The following CHRD variants were observed in gnomAD, a reference collection of about 807,000 sequenced individuals.
The protein encoded by CHRD is chordin.
CHRD carries 69 observed loss-of-function variants against 113.7 expected under a neutral mutation model. The observed-to-expected ratio is 0.61, with a 90% CI of 0.50 to 0.74. The LOEUF is 0.74. Ranked by LOEUF, CHRD falls within the 30% of genes least tolerant of loss-of-function variation. The pLI is 0.00. For missense variants in CHRD, 1,194 were observed against 1,295.8 expected, an observed-to-expected ratio of 0.92 and a Z score of 1.21; for synonymous variants, 561 against 540.8, an observed-to-expected ratio of 1.04 and a Z score of -0.52.
In CHRD at chr3:184,388,263, CCA is replaced by C. The variant is rs1412378926; in HGVS notation, c.2554+231_2554+232del. Among the ~76,000 whole-genome samples, 423 of 151,706 alleles carry C rather than the reference CCA, an allele frequency of 2.8e-3. 2 individuals carry two copies. Among genetic ancestry groups the C allele is most frequent in the African/African-American group, 9.3e-3 (383 of 41,172 alleles). On this transcript the variant is annotated intron_variant, in intron 20 of 22. Coordinates refer to ENST00000204604, the Ensembl canonical transcript of CHRD. This position sits in a 1 kb window ranked among gnomAD's most constrained non-coding sequence, Gnocchi z 6.1. ...TCCATCCATCCATCCATCCATCCAT[CCA>C]TCCATCCATCCATCCATCCGTCCAT...
In CHRD at chr3:184,389,521, G is replaced by A. The variant is rs1483136988; in HGVS notation, c.*99G>A. On this transcript the variant is annotated 3_prime_UTR_variant, in exon 23 of 23. Transcript: ENST00000204604. Reference sequence around the variant, plus strand: ...TGCATTCTCCTGTGGGAAGCCCAGTGCCTTTGCTCCTCTGTCCTGCCTCTA... The same window carrying A: ...TGCATTCTCCTGTGGGAAGCCCAGTACCTTTGCTCCTCTGTCCTGCCTCTA... 43 of 1,095,062 alleles carry A rather than the reference G, an allele frequency of 3.9e-5. No homozygotes were observed. The East Asian group carries it at 4.6e-4, about 12-fold the overall frequency. The allele number at this position is 1,095,062 out of a possible 1,614,324, so 67.8% of individuals were successfully genotyped here. A position where few individuals can be genotyped will look rare whatever the true frequency, so the allele number is the denominator to read the frequency against.
At position 184,388,463 on chromosome 3, in the gene CHRD, C is replaced by A; in HGVS notation, c.2555-124C>A. The A allele has an allele frequency of 2.8e-6, 3 of 1,072,200 alleles. No individual in the cohort carries two copies. Among genetic ancestry groups the A allele is most frequent in the South Asian group, 1.5e-5 (1 of 65,528 alleles). The allele number at this position is 1,072,200 out of a possible 1,614,324, so 66.4% of individuals were successfully genotyped here. A position where few individuals can be genotyped will look rare whatever the true frequency, so the allele number is the denominator to read the frequency against. On this transcript the variant is annotated intron_variant, in intron 20 of 22. Coordinates refer to ENST00000204604, the Ensembl canonical transcript of CHRD. This position sits in a 1 kb window ranked among gnomAD's most constrained non-coding sequence, Gnocchi z 6.1. ...TTCATCCATCCATTCATCTGCCCACCCACCCATCCAAATTTATCACCTACT... is the reference window on the plus strand; with the variant it reads ...TTCATCCATCCATTCATCTGCCCACACACCCATCCAAATTTATCACCTACT...
In CHRD at chr3:184,384,538, C is replaced by A; in HGVS notation, c.1442C>A (p.Ala481Asp). The A allele has an allele frequency of 6.5e-7, 1 of 1,531,356 alleles. No individual in the cohort carries two copies. Among genetic ancestry groups the A allele is most frequent in the South Asian group, 1.3e-5 (1 of 78,448 alleles). 94.9% of individuals were successfully genotyped at this position (1,531,356 alleles called of 1,614,324 possible). A position where few individuals can be genotyped will look rare whatever the true frequency, so the allele number is the denominator to read the frequency against. ...AGGCCTATCCTCCCCTGCCCCCAGG[C>A]CGTGGGTATCTGCCCTGGGCTGGGT... Residue 481 changes from alanine (A) to aspartate (D), a missense_variant and splice_region_variant, in exon 13 of 23, where the codon GCC (alanine) becomes GAC (aspartate). Coordinates refer to ENST00000204604, the Ensembl canonical transcript of CHRD. The surrounding 1 kb of genome is among the most constrained non-coding windows in gnomAD (Gnocchi z 4.4).
intron 14 of CHRD, among the ~76,000 whole-genome samples, chr3:184,385,666 CAAAAAAAAAAAAA>C (rs533681477): frequency 0.015 from 575 of 39,382 alleles, 8 homozygotes; most frequent in African/African-American, 0.054. Flanking sequence ...AAATCCGTCT[CAAAAAAAAAAAAA>C]AAAAAAAAAA....
In CHRD at chr3:184,383,643, G is replaced by A; in HGVS notation, c.1440+1G>A. The A allele has an allele frequency of 6.2e-7, 1 of 1,605,700 alleles. No individual in the cohort carries two copies. Among genetic ancestry groups the A allele is most frequent in the South Asian group, 1.1e-5 (1 of 89,984 alleles). On this transcript the variant is annotated splice_donor_variant, in intron 12 of 22. Transcript: ENST00000204604. LOFTEE classifies it high-confidence loss of function. ...TGGACTCCAGCCAGGAGGACACACG[G>A]TGAGGGCTCCAGGTGGAGCTGGACC...
In CHRD at chr3:184,388,237, G is replaced by GTCCATCCA. The variant is rs3064288; in HGVS notation, c.2554+244_2554+251dup. ...GTTCTGGTTCCTGCTCCATCCATCC[G>GTCCATCCA]TCCATCCATCCATCCATCCATCCAT... is the stretch of plus-strand genomic sequence containing the variant. On this transcript the variant is annotated intron_variant, in intron 20 of 22. Transcript: ENST00000204604. This position sits in a 1 kb window ranked among gnomAD's most constrained non-coding sequence, Gnocchi z 6.1. Among the ~76,000 whole-genome samples the GTCCATCCA allele has an allele frequency of 0.02, 2,745 of 138,038 alleles. 58 individuals carry two copies. The highest frequency in any genetic ancestry group is 0.053 in the African/African-American group (1,925 of 36,012). 90.6% of individuals were successfully genotyped at this position (138,038 alleles called of 152,430 possible).
In CHRD at chr3:184,386,053, G is replaced by A. The variant is rs1194813503; in HGVS notation, c.1826G>A (p.Gly609Asp). 2.5e-6 allele frequency: 4 copies of A among 1,614,082 alleles called. No individual in the cohort carries two copies. The African/African-American group carries it at 5.3e-5, about 22-fold the overall frequency. The change falls in exon 15 of 23, where the codon GGT (glycine) becomes GAT (aspartate). Residue 609 changes from glycine (G) to aspartate (D), a missense_variant. By Grantham distance (94) the Gly-to-Asp change is moderately conservative (BLOSUM62 -1). Transcript: ENST00000204604. Reference sequence around the variant, plus strand: ...TGTCCTGTCTATGTGCAGGCCCAGGGTGTGGTGAAGGACCTGGAGCCGGAA... The same window carrying A: ...TGTCCTGTCTATGTGCAGGCCCAGGATGTGGTGAAGGACCTGGAGCCGGAA...
At chr3:184,383,878 G>C (rs955509296) in intron 12 of CHRD, among the ~76,000 whole-genome samples, 1 of 148,582 alleles carries the variant, frequency 6.7e-6, no homozygotes, top group African/African-American at 2.5e-5. Flanking sequence ...CTGGGTTCAA[G>C]CGATTCTCCT....
chr3:184,386,375 C>A, intron 15 of CHRD, 117 bp from the exon 16 acceptor site: 1 of 1,412,500 alleles, frequency 7.1e-7, no homozygotes. Flanking sequence ...GAATGGCATC[C>A]TCCTGGGCCA....
intron 6 of CHRD, 34 bp from the exon 7 acceptor site, chr3:184,382,355 C>G: frequency 1.2e-6 from 2 of 1,613,970 alleles, no homozygotes; most frequent in Non-Finnish European, 1.7e-6. Context: ...TGCACAGTGT[C>G]TGAGCGTAGG....
chr3:184,383,167 A>AG lies in CHRD; in HGVS notation c.1213+6dup, dbSNP rs777454873. 3 of 1,520,764 alleles carry AG rather than the reference A, an allele frequency of 2.0e-6. No homozygotes were observed. Among genetic ancestry groups the AG allele is most frequent in the South Asian group, 1.2e-5 (1 of 84,792 alleles). The allele number at this position is 1,520,764 out of a possible 1,614,324, so 94.2% of individuals were successfully genotyped here. A position where few individuals can be genotyped will look rare whatever the true frequency, so the allele number is the denominator to read the frequency against. The stretch of plus-strand genomic sequence containing the variant: ...GCTGCCAGGAAGAGCTGCGACGGTG[A>AG]GGCGGGGGGGGGGCCTGGTGCGCCG... On this transcript the variant is annotated splice_donor_region_variant and intron_variant, in intron 10 of 22. Transcript: ENST00000204604.
At chr3:184,389,071 G>A (rs1716823031) in intron 22 of CHRD, 76 bp downstream of exon 22, 3 of 1,055,470 alleles carry the variant, frequency 2.8e-6, no homozygotes, top group Non-Finnish European at 4.3e-6. Flanking sequence ...TCAGGGAAGG[G>A]AGCACTCACT....
exon 12 of CHRD, chr3:184,383,523 G>A: frequency 6.2e-7 from 1 of 1,614,032 alleles, no homozygotes; most frequent in Admixed American, 1.7e-5. Context: ...TGCCCATCAG[G>A]TGCAAGTGGT....
rs1715999530 is a variant in CHRD at position 184,384,642 on chromosome 3, C to T, written c.1546C>T (p.Arg516Trp). 11 of 1,605,124 alleles carry T rather than the reference C, an allele frequency of 6.9e-6. No homozygotes were observed. Among genetic ancestry groups the T allele is most frequent in the Middle Eastern group, 1.7e-4 (1 of 5,988 alleles). Residue 516 changes from arginine to tryptophan, a missense_variant, in exon 13 of 23, where the codon CGG becomes TGG. Physicochemically the swap from Arg to Trp is moderately radical, Grantham distance 101. Transcript: ENST00000204604. The surrounding 1 kb of genome is among the most constrained non-coding windows in gnomAD (Gnocchi z 4.4). ...CAAGGACTTCCCAGACGGAGAGCTT[C>T]GGGGGCACGTGGCTGCCCTGCCCTA... is the stretch of plus-strand genomic sequence containing the variant.
chr3:184,382,524 G>A (rs942574867), exon 7 of CHRD: 1 of 1,613,864 alleles, frequency 6.2e-7, no homozygotes, highest in Non-Finnish European at 8.5e-7. Flanking sequence ...CCGGGCCCTG[G>A]CTGCAGGTAG....
intron 22 of CHRD, 53 bp downstream of exon 22, chr3:184,389,048 G>A (rs575914970): frequency 1.2e-4 from 152 of 1,267,682 alleles, no homozygotes; most frequent in Non-Finnish European, 1.6e-4. Context: ...TCACCTGCCT[G>A]TGGGACTCCT....
exon 23 of CHRD, chr3:184,389,489 A>G (rs1358036653): frequency 3.5e-6 from 5 of 1,426,254 alleles, no homozygotes; most frequent in Non-Finnish European, 9.8e-7. Flanking sequence ...GGCATCGAGG[A>G]CCTTCTTGCA....
rs2108641779 is a variant in CHRD, at chr3:184,381,641, C to G, written c.511+17C>G. 4 of 1,603,984 alleles carry G rather than the reference C, an allele frequency of 2.5e-6. No individual in the cohort carries two copies. The East Asian group carries it at 9.0e-5, about 36-fold the overall frequency. ...GCCACACGGGTAGGGGGCTGGCGAA[C>G]AGCGGGGTTGTGGTTGAGGCTGGGC... is the stretch of plus-strand genomic sequence containing the variant. On this transcript the variant is annotated intron_variant, in intron 4 of 22. Transcript: ENST00000204604. This position sits in a 1 kb window ranked among gnomAD's most constrained non-coding sequence, Gnocchi z 4.7.
exon 11 of CHRD, chr3:184,383,348 T>C (rs1715771911): frequency 1.2e-6 from 2 of 1,613,814 alleles, no homozygotes; most frequent in Non-Finnish European, 8.5e-7. Flanking sequence ...GATGCCCTGA[T>C]CCCAGTCCAG....
Sources: gnomAD v4.1 joint callset for allele counts (sites outside exome capture counted in the v4.1 genomes callset) on GRCh38, gnomAD v4.1.1 for gene constraint, Gnocchi (gnomAD v3.1) non-coding constraint, MANE v1.5 for transcripts, NCBI Gene and HGNC (gene_info 2026-07-23, HGNC 2026-07-21) for gene names.